Variants in CSMD1 observed in about 807,000 individuals in gnomAD.
The protein encoded by CSMD1 is CUB and Sushi multiple domains 1.
In CSMD1, 213 loss-of-function variants were observed where a neutral mutation model predicts 417.5. That is an observed-to-expected ratio of 0.51 (90% CI 0.46 to 0.57). The LOEUF (loss-of-function observed/expected upper bound fraction) is 0.57. Among genes scored for constraint, CSMD1 ranks in the 20% least tolerant of loss-of-function variants. CSMD1 has a pLI of 0.00. For missense variants in CSMD1, 6,923 were observed against 4,529.7 expected, an observed-to-expected ratio of 1.53 and a Z score of -15.17; for synonymous variants, 2,862 against 1,736.8, an observed-to-expected ratio of 1.65 and a Z score of -16.11.
intron 5 of CSMD1, among the ~76,000 whole-genome samples, chr8:3,839,672 T>C (rs950303274): frequency 3.5e-5 from 5 of 144,584 alleles, no homozygotes; most frequent in African/African-American, 1.0e-4. Context: ...AAAAAAAGAA[T>C]CTATCTCCTT....
intron 3 of CSMD1, among the ~76,000 whole-genome samples, chr8:4,069,651 G>C (rs1335195831): frequency 6.6e-6 from 1 of 152,096 alleles, no homozygotes; most frequent in Non-Finnish European, 1.5e-5. Flanking sequence ...AGCTTCCTGG[G>C]CCATGGCTCC....
At chr8:4,785,380 G>C (rs978391155) in intron 1 of CSMD1, among the ~76,000 whole-genome samples, 1 of 152,284 alleles carries the variant, frequency 6.6e-6, no homozygotes. Flanking sequence ...TGGTATGGAA[G>C]AGGTACCTCA....
At chr8:3,565,564 T>C (rs1291032399) in intron 10 of CSMD1, among the ~76,000 whole-genome samples, 3 of 152,214 alleles carry the variant, frequency 2.0e-5, no homozygotes, top group African/African-American at 7.2e-5. Flanking sequence ...ATACTTCAAA[T>C]GCAAGTGAAT....
At chr8:3,467,043 T>C (rs541350341) in intron 12 of CSMD1, among the ~76,000 whole-genome samples, 1 of 152,336 alleles carries the variant, frequency 6.6e-6, no homozygotes, top group South Asian at 2.1e-4. Flanking sequence ...CACGTTTTTA[T>C]GACATCTCAT....
In CSMD1 at chr8:4,912,631, G is replaced by C. The variant is rs146283427; in HGVS notation, c.85+81701C>G. The stretch of plus-strand genomic sequence containing the variant: ...AGCTCAAGTTTGTTTGGCTTCCTTT[G>C]TAAATACCTGTGACATGTAGGTCAG... On this transcript the variant is annotated intron_variant, in intron 1 of 69. Transcript: ENST00000635120. Among the ~76,000 whole-genome samples, 563 of 152,246 alleles carry C rather than the reference G, an allele frequency of 3.7e-3. 3 individuals carry two copies. Among genetic ancestry groups the C allele is most frequent in the African/African-American group, 0.013 (540 of 41,518 alleles).
At chr8:4,666,538 A>T (rs1052393947) in intron 1 of CSMD1, among the ~76,000 whole-genome samples, 3 of 152,206 alleles carry the variant, frequency 2.0e-5, no homozygotes, top group Non-Finnish European at 2.9e-5. Context: ...TAATACTTTG[A>T]TTTTTGACCA....
At chr8:3,462,791 G>A (rs1419825175) in intron 12 of CSMD1, among the ~76,000 whole-genome samples, 3 of 151,082 alleles carry the variant, frequency 2.0e-5, no homozygotes, top group African/African-American at 7.3e-5. Context: ...AAAAAGGCTG[G>A]GGACTCTTAT....
At chr8:3,691,948 G>T (rs929445499) in intron 7 of CSMD1, among the ~76,000 whole-genome samples, 4 of 152,128 alleles carry the variant, frequency 2.6e-5, no homozygotes, top group Admixed American at 2.6e-4. Flanking sequence ...TTAATCAAGA[G>T]CTCTCATTTC....
At chr8:4,047,947 A>G (rs1798233836) in intron 3 of CSMD1, among the ~76,000 whole-genome samples, 1 of 152,178 alleles carries the variant, frequency 6.6e-6, no homozygotes, top group Non-Finnish European at 1.5e-5. Flanking sequence ...CAAAAATATA[A>G]TGTCATGTTG....
chr8:4,423,115 G>T (rs564178294), intron 2 of CSMD1, among the ~76,000 whole-genome samples: 2 of 152,066 alleles, frequency 1.3e-5, no homozygotes, highest in South Asian at 2.1e-4. Context: ...AAGACTGAAT[G>T]CTTCTGCCTA....
At chr8:3,201,009 A>T (rs1227393696) in intron 32 of CSMD1, among the ~76,000 whole-genome samples, 3 of 152,224 alleles carry the variant, frequency 2.0e-5, no homozygotes. Flanking sequence ...ACTGAATACC[A>T]TTCAGAACTC....
chr8:3,481,881 T>C (rs1817768364), intron 11 of CSMD1, among the ~76,000 whole-genome samples: 1 of 152,184 alleles, frequency 6.6e-6, no homozygotes, highest in Non-Finnish European at 1.5e-5. Context: ...GACTTCTGGT[T>C]TCCAGAACTG....
intron 2 of CSMD1, among the ~76,000 whole-genome samples, chr8:4,456,693 G>C (rs955436040): frequency 9.9e-5 from 15 of 152,094 alleles, no homozygotes; most frequent in African/African-American, 3.6e-4. Context: ...GCTGGCTCTG[G>C]TGGAAGAAAC....
chr8:3,457,174 G>C (rs61529934), intron 12 of CSMD1, among the ~76,000 whole-genome samples: 3,062 of 123,176 alleles, frequency 0.025, 115 homozygotes, highest in African/African-American at 0.081. Context: ...CTCTCTTCCT[G>C]GACTCCTCAT....
rs1805053913 is a variant in CSMD1, at chr8:3,308,373, G to A, written c.3762C>T (p.Asn1254=). ...CNPGYAMHGS[N]TLTCLSGDRR... ...TGTCTCCACTCAAACAGGTCAGGGT[G>A]TTGCTGCCATGCATGGCGTACCCCG... Residue 1254 remains asparagine, a synonymous_variant, in exon 24 of 70, where the codon AAC becomes AAT. Transcript: ENST00000635120. 2 of 1,613,800 alleles carry A rather than the reference G, an allele frequency of 1.2e-6. No homozygotes were observed. Among genetic ancestry groups the A allele is most frequent in the Non-Finnish European group, 1.7e-6 (2 of 1,179,788 alleles).
intron 4 of CSMD1, among the ~76,000 whole-genome samples, chr8:4,021,422 G>A (rs1344742032): frequency 6.6e-6 from 1 of 152,168 alleles, no homozygotes; most frequent in East Asian, 1.9e-4. Context: ...TATATGTTGA[G>A]TGGACAGCAC....
intron 5 of CSMD1, among the ~76,000 whole-genome samples, chr8:3,760,073 G>C (rs1033057646): frequency 6.6e-6 from 1 of 152,050 alleles, no homozygotes; most frequent in Admixed American, 6.6e-5. Flanking sequence ...AGGGATATTG[G>C]TGCTTAAAAA....
chr8:3,806,027 T>C (rs1240720326), intron 5 of CSMD1, among the ~76,000 whole-genome samples: 4 of 152,188 alleles, frequency 2.6e-5, no homozygotes, highest in Admixed American at 1.3e-4. Context: ...AGCAGCTTCA[T>C]TGCACATTAA....
At chr8:3,149,045 T>C (rs185747431) in intron 40 of CSMD1, among the ~76,000 whole-genome samples, 1 of 152,320 alleles carries the variant, frequency 6.6e-6, no homozygotes, top group East Asian at 1.9e-4. Flanking sequence ...TTTTTTAAGA[T>C]TTACATCAGT....
Sources: allele counts gnomAD v4.1 joint callset (sites outside exome capture counted in the v4.1 genomes callset), GRCh38; gene constraint gnomAD v4.1.1; transcripts MANE v1.5; gene names NCBI Gene and HGNC (gene_info 2026-07-23, HGNC 2026-07-21).